Variants in NOX1 observed in about 807,000 individuals in gnomAD.
NOX1 encodes NADPH oxidase 1.
NOX1 carries 34 observed loss-of-function variants against 42.5 expected under a neutral mutation model. That is an observed-to-expected ratio of 0.80 (90% CI 0.61 to 1.07). The LOEUF is 1.07. NOX1 is among the 50% of genes least tolerant of loss of function. The probability of loss-of-function intolerance (pLI) is 0.00; values close to 1 mark genes in which losing one functional copy is unlikely to be tolerated. For synonymous variants in NOX1, 143 were observed against 152.5 expected, an observed-to-expected ratio of 0.94 and a Z score of 0.46; for missense variants, 408 against 427.0, an observed-to-expected ratio of 0.96 and a Z score of 0.39.
chrX:100,853,282 C>A (rs1223669021), intron 7 of NOX1, among the ~76,000 whole-genome samples: 2 of 62,748 alleles, frequency 3.2e-5, no homozygotes, highest in African/African-American at 1.3e-4. Flanking sequence ...TTCTTTCTTT[C>A]TTTCTTTCTT....
intron 2 of NOX1, among the ~76,000 whole-genome samples, chrX:100,869,398 T>C (rs1191146582): frequency 1.9e-5 from 2 of 106,596 alleles, no homozygotes; most frequent in African/African-American, 6.8e-5. Flanking sequence ...GTTGGATTCC[T>C]AGGTATTTTA....
intron 7 of NOX1, among the ~76,000 whole-genome samples, chrX:100,853,280 T>TC (rs1569445526): frequency 2.3e-4 from 17 of 72,751 alleles, no homozygotes; most frequent in African/African-American, 1.2e-4. Flanking sequence ...CTTTCTTTCT[T>TC]TCTTTCTTTC....
intron 7 of NOX1, among the ~76,000 whole-genome samples, chrX:100,852,741 C>T (rs544200642): frequency 7.0e-4 from 78 of 111,693 alleles, no homozygotes; most frequent in African/African-American, 2.4e-3. Flanking sequence ...TTATGCAATT[C>T]AGTGCTATTT....
intron 7 of NOX1, chrX:100,855,206 G>C: frequency 2.1e-6 from 1 of 472,832 alleles, no homozygotes; most frequent in Non-Finnish European, 3.8e-6. Flanking sequence ...ACTGTGTTTG[G>C]CTGAGTTCAT....
chrX:100,853,299 T>TTTCTTTCC (rs1986370740), intron 7 of NOX1, among the ~76,000 whole-genome samples: 1 of 78,883 alleles, frequency 1.3e-5, no homozygotes, highest in Non-Finnish European at 2.5e-5. Context: ...TCTTTCTTTC[T>TTTCTTTCC]TTCTTTCTTT....
chrX:100,848,000 C>T lies in NOX1; in HGVS notation c.1568+630G>A, dbSNP rs778678034. On this transcript the variant is annotated intron_variant, in intron 12 of 12. Coordinates refer to ENST00000372966, the MANE Select transcript of NOX1 (RefSeq NM_007052.5). The stretch of plus-strand genomic sequence containing the variant: ...TACTTTAAGTAGAGATTATTGAGTC[C>T]CCTCCCCGCAAAAATGCATTTGAAT... 2.7e-4 allele frequency among the ~76,000 whole-genome samples: 30 copies of T among 110,376 alleles called. 1 individual carries two copies. The South Asian group carries it at 0.012, about 43-fold the overall frequency.
chrX:100,845,547 A>T (rs1390902064), intron 12 of NOX1, among the ~76,000 whole-genome samples: 1 of 103,790 alleles, frequency 9.6e-6, no homozygotes, highest in East Asian at 3.0e-4. Flanking sequence ...GTGTAGACAT[A>T]TATTTTCATT....
intron 7 of NOX1, among the ~76,000 whole-genome samples, chrX:100,858,688 T>A (rs2085183604): frequency 9.0e-6 from 1 of 111,269 alleles, no homozygotes; most frequent in African/African-American, 3.3e-5. Flanking sequence ...ATTTTTTTTG[T>A]GGCTATTGTG....
At chrX:100,860,319 T>C (rs1032068093) in intron 7 of NOX1, among the ~76,000 whole-genome samples, 1 of 112,221 alleles carries the variant, frequency 8.9e-6, no homozygotes, top group African/African-American at 3.2e-5. Flanking sequence ...TTTAAGTATA[T>C]TTGTGGAATA....
intron 7 of NOX1, among the ~76,000 whole-genome samples, chrX:100,852,477 A>G (rs1295794539): frequency 8.9e-6 from 1 of 112,365 alleles, no homozygotes; most frequent in East Asian, 2.8e-4. Context: ...TAAATAAAAT[A>G]AATAAATAAA....
At chrX:100,858,619 T>G (rs1195407548) in intron 7 of NOX1, among the ~76,000 whole-genome samples, 1 of 111,435 alleles carries the variant, frequency 9.0e-6, no homozygotes. Flanking sequence ...AGCAGTGTTT[T>G]GTAACTCTCA....
chrX:100,857,764 T>C (rs969788750), intron 7 of NOX1, among the ~76,000 whole-genome samples: 5 of 109,581 alleles, frequency 4.6e-5, no homozygotes, highest in African/African-American at 1.7e-4. Context: ...AATTTGTGTT[T>C]TTTTGTTGTT....
intron 7 of NOX1, among the ~76,000 whole-genome samples, chrX:100,852,859 A>C (rs1025766104): frequency 2.7e-5 from 3 of 112,824 alleles, no homozygotes; most frequent in African/African-American, 9.7e-5. Context: ...AGAGTAATAA[A>C]TATTAAAACA....
rs1205667971 is a variant in NOX1 at position 100,853,253 on chromosome X, CCTTCCTTCCTTTCTTTCTTT to C, written c.805-1948_805-1929del. ...TTTCTTTTTCTTTCTTTCCTTCCTT[CCTTCCTTCCTTTCTTTCTTT>C]CTTTCTTTCTTTCTTTCTTTCTTTC... is the stretch of plus-strand genomic sequence containing the variant. On this transcript the variant is annotated intron_variant, in intron 7 of 12. Coordinates refer to ENST00000372966, the MANE Select transcript of NOX1 (RefSeq NM_007052.5). 1.1e-3 allele frequency among the ~76,000 whole-genome samples: 38 copies of C among 33,402 alleles called. 1 individual carries two copies. The highest frequency in any genetic ancestry group is 2.6e-3 in the South Asian group (2 of 755). The allele number at this position is 33,402 out of a possible 115,157, so 29.0% of individuals were successfully genotyped here.
chrX:100,854,979 G>C (rs893514480), intron 7 of NOX1, among the ~76,000 whole-genome samples: 2 of 109,960 alleles, frequency 1.8e-5, no homozygotes, highest in Non-Finnish European at 3.8e-5. Context: ...TTTATTCAGT[G>C]TCATGATCAG....
chrX:100,855,618 C>T, intron 7 of NOX1: 1 of 1,024,994 alleles, frequency 9.8e-7, no homozygotes, highest in Non-Finnish European at 1.4e-6. Context: ...GCCTCTGCTT[C>T]CTCCAGAGTA....
intron 2 of NOX1, among the ~76,000 whole-genome samples, chrX:100,864,290 A>T (rs1395729306): frequency 8.9e-6 from 1 of 112,386 alleles, no homozygotes; most frequent in Non-Finnish European, 1.9e-5. Context: ...ATGCCTGGCC[A>T]AGGATCATAT....
intron 1 of NOX1, among the ~76,000 whole-genome samples, chrX:100,871,401 A>G (rs1397511076): frequency 8.9e-6 from 1 of 112,543 alleles, no homozygotes; most frequent in Non-Finnish European, 1.9e-5. Flanking sequence ...CAATAAGTGA[A>G]TAAATGGATA....
intron 2 of NOX1, among the ~76,000 whole-genome samples, chrX:100,868,300 T>C (rs1218115667): frequency 8.9e-6 from 1 of 111,950 alleles, no homozygotes; most frequent in African/African-American, 3.2e-5. Flanking sequence ...AACATGTACA[T>C]TGGGAAGATA....
Sources: allele counts gnomAD v4.1 joint callset (sites outside exome capture counted in the v4.1 genomes callset), GRCh38; gene constraint gnomAD v4.1.1; transcripts MANE v1.5; gene names NCBI Gene and HGNC (gene_info 2026-07-23, HGNC 2026-07-21).